Variants in ANKRD26 observed in about 807,000 individuals in gnomAD.
ANKRD26 encodes ankyrin repeat domain-containing protein 26.
Under a neutral mutation model 208.7 loss-of-function variants are expected in ANKRD26, and 141 were observed. That is an observed-to-expected ratio of 0.68 (90% CI 0.59 to 0.78). The LOEUF is 0.78. Among genes scored for constraint, ANKRD26 ranks in the 30% least tolerant of loss-of-function variants. The probability of loss-of-function intolerance (pLI) is 0.00; values close to 1 mark genes in which losing one functional copy is unlikely to be tolerated. For missense variants in ANKRD26, 1,889 were observed against 1,938.7 expected, an observed-to-expected ratio of 0.97 and a Z score of 0.48; for synonymous variants, 636 against 660.4, an observed-to-expected ratio of 0.96 and a Z score of 0.57.
chr10:26,996,326 C>T (rs1182304026), intron 4 of ANKRD26, among the ~76,000 whole-genome samples: 1 of 152,106 alleles, frequency 6.6e-6, no homozygotes, highest in East Asian at 1.9e-4. Flanking sequence ...CTTTGGGAGG[C>T]CAAGGCAGGA....
chr10:27,006,890 T>C (rs756997679), intron 33 of ANKRD26, 27 bp downstream of exon 33: 3 of 1,550,936 alleles, frequency 1.9e-6, no homozygotes, highest in South Asian at 1.1e-5. Context: ...TTAATCTAAA[T>C]TTAATTCATG....
intron 6 of ANKRD26, among the ~76,000 whole-genome samples, chr10:27,079,708 C>G (rs1205928872): frequency 6.6e-6 from 1 of 152,042 alleles, no homozygotes; most frequent in East Asian, 1.9e-4. Flanking sequence ...CAAAAATTAA[C>G]CAGGCGTGGT....
intron 4 of ANKRD26, among the ~76,000 whole-genome samples, chr10:26,998,863 G>A (rs1016708139): frequency 6.6e-6 from 1 of 152,182 alleles, no homozygotes; most frequent in African/African-American, 2.4e-5. Context: ...TCGAGGAGGG[G>A]AAGATGGTAG....
intron 16 of ANKRD26, chr10:27,052,268 C>G: frequency 3.8e-6 from 3 of 779,558 alleles, no homozygotes; most frequent in South Asian, 1.2e-4. Flanking sequence ...AACTAATTTG[C>G]CTTAGCCTAA....
intron 1 of ANKRD26, among the ~76,000 whole-genome samples, chr10:27,096,765 C>CAAAAAAAAAAAAAAAAAAAAAAAAAAA (rs1177909846): frequency 1.4e-5 from 1 of 73,162 alleles, no homozygotes. Flanking sequence ...GACTCCATCT[C>CAAAAAAAAAAAAAAAAAAAAAAAAAAA]AAAAAAAAAA....
intron 9 of ANKRD26, among the ~76,000 whole-genome samples, chr10:27,073,856 T>G (rs930102702): frequency 6.6e-6 from 1 of 152,140 alleles, no homozygotes; most frequent in Admixed American, 6.5e-5. Flanking sequence ...TACATCGTTA[T>G]TACTACCAAC....
At chr10:27,010,567 C>T (rs1433458002) in intron 32 of ANKRD26, among the ~76,000 whole-genome samples, 1 of 152,162 alleles carries the variant, frequency 6.6e-6, no homozygotes, top group Non-Finnish European at 1.5e-5. Context: ...ACGATCATAG[C>T]TCACTGTAGC....
intron 23 of ANKRD26, among the ~76,000 whole-genome samples, chr10:27,036,420 G>A (rs1350340826): frequency 2.0e-5 from 3 of 151,436 alleles, no homozygotes; most frequent in Non-Finnish European, 2.9e-5. Flanking sequence ...CACTAAATCA[G>A]TTATTTCTGT....
At chr10:27,087,734 A>G (rs1395330422) in intron 4 of ANKRD26, among the ~76,000 whole-genome samples, 1 of 152,228 alleles carries the variant, frequency 6.6e-6, no homozygotes, top group African/African-American at 2.4e-5. Context: ...GATCTTTGTT[A>G]GAACGGTGCT....
intron 28 of ANKRD26, among the ~76,000 whole-genome samples, chr10:27,023,979 T>C (rs75535980): frequency 2.1e-5 from 3 of 142,254 alleles, no homozygotes; most frequent in East Asian, 2.0e-4. Context: ...ATTTTATTAC[T>C]ACACACACAC....
the ANKRD26 span, among the ~76,000 whole-genome samples, chr10:26,960,488 A>G: frequency 6.6e-6 from 1 of 152,136 alleles, no homozygotes; most frequent in Non-Finnish European, 1.5e-5. Flanking sequence ...ACACCACCCG[A>G]CACCCAGTCC....
intron 4 of ANKRD26, among the ~76,000 whole-genome samples, chr10:26,997,516 G>A (rs2052619626): frequency 6.6e-6 from 1 of 152,200 alleles, no homozygotes; most frequent in Admixed American, 6.5e-5. Flanking sequence ...AAGTGTCCCA[G>A]TCTTTTACAG....
chr10:26,972,197 T>A (rs995184250), downstream of ANKRD26, among the ~76,000 whole-genome samples: 56 of 145,932 alleles, frequency 3.8e-4, no homozygotes, highest in Middle Eastern at 3.6e-3. Flanking sequence ...ATCGTGCCAC[T>A]GCACTCCAGC....
At chr10:26,975,648 C>G (rs545629335) in exon 6 of ANKRD26, among the ~76,000 whole-genome samples, 7 of 151,784 alleles carry the variant, frequency 4.6e-5, no homozygotes, top group Non-Finnish European at 1.0e-4. Context: ...TCGAGACCAG[C>G]CTGGCCAACA....
At chr10:27,041,012 C>G (rs2135256147) in intron 20 of ANKRD26, among the ~76,000 whole-genome samples, 1 of 147,102 alleles carries the variant, frequency 6.8e-6, no homozygotes, top group East Asian at 2.0e-4. Context: ...GCCTGGGCAA[C>G]AGAGCGAGAC....
At chr10:27,050,219 CAAAAAAAAAAAA>C (rs67384671) in intron 16 of ANKRD26, among the ~76,000 whole-genome samples, 3 of 33,036 alleles carry the variant, frequency 9.1e-5, no homozygotes, top group East Asian at 1.2e-3. Flanking sequence ...GAATCTGTCT[CAAAAAAAAAAAA>C]AAAAAAAAAA....
chr10:27,098,547 TACC>T lies in ANKRD26; in HGVS notation c.242+1535_242+1537del, dbSNP rs1245698860. On this transcript the variant is annotated intron_variant, in intron 1 of 33. Transcript: ENST00000376087. Reference sequence around the variant, plus strand: ...ACAAATGCCCAGAAATAACAAATTTTACCACTTTTTTTTTTTTTTGAGACGGAG... The same window carrying T: ...ACAAATGCCCAGAAATAACAAATTTTACTTTTTTTTTTTTTTGAGACGGAG... Among the ~76,000 whole-genome samples, 290 of 116,458 alleles carry T rather than the reference TACC, an allele frequency of 2.5e-3. 1 individual carries two copies. Among genetic ancestry groups the T allele is most frequent in the African/African-American group, 9.5e-3 (281 of 29,676 alleles). The allele number at this position is 116,458 out of a possible 152,430, so 76.4% of individuals were successfully genotyped here.
intron 4 of ANKRD26, among the ~76,000 whole-genome samples, chr10:27,087,961 T>C (rs1443305833): frequency 6.6e-6 from 1 of 152,040 alleles, no homozygotes; most frequent in Non-Finnish European, 1.5e-5. Context: ...TTCTTCATTA[T>C]TTTTTGTACC....
Position 27,019,005 on chromosome 10 carries a change from G to A in ANKRD26, c.4216-1213C>T, listed in dbSNP as rs924841553. Among the ~76,000 whole-genome samples, 10 of 152,132 alleles carry A rather than the reference G, an allele frequency of 6.6e-5. No individual in the cohort carries two copies. The East Asian group carries it at 9.6e-4, about 15-fold the overall frequency. On this transcript the variant is annotated intron_variant, in intron 29 of 33. Transcript: ENST00000376087. Reference sequence around the variant, plus strand: ...AAATGGGACAATACTGGCCAGGTGCGGTGGCTCACTGAGCCTGTAAATCCC... The same window carrying A: ...AAATGGGACAATACTGGCCAGGTGCAGTGGCTCACTGAGCCTGTAAATCCC...
Sources: allele counts gnomAD v4.1 joint callset (sites outside exome capture counted in the v4.1 genomes callset), GRCh38; gene constraint gnomAD v4.1.1; transcripts MANE v1.5; gene names NCBI Gene and HGNC (gene_info 2026-07-23, HGNC 2026-07-21).